Variants in PTPN3 observed in about 807,000 individuals in gnomAD.
The protein encoded by PTPN3 is protein tyrosine phosphatase non-receptor type 3.
A neutral mutation model predicts 132.7 loss-of-function variants in PTPN3; 96 were observed. The observed-to-expected ratio is 0.72, with a 90% CI of 0.61 to 0.86. PTPN3 has a LOEUF of 0.86. Ranked by LOEUF, PTPN3 falls within the 40% of genes least tolerant of loss-of-function variation. The pLI, the probability that PTPN3 is intolerant of heterozygous loss-of-function variation, is 0.00. For synonymous variants in PTPN3, 398 were observed against 429.0 expected (o/e 0.93, Z 0.89); for missense variants, 1,125 against 1,159.6 (o/e 0.97, Z 0.43).
chr9:109,524,308 A>G, the PTPN3 span, among the ~76,000 whole-genome samples: 1 of 41,224 alleles, frequency 2.4e-5, no homozygotes, highest in Non-Finnish European at 4.5e-5. Context: ...GAAGAGTGCC[A>G]GTTGTTTTGC....
chr9:109,375,936 T>A lies in PTPN3; in HGVS notation c.*3620A>T, dbSNP rs942842474. 1.3e-5 allele frequency: 2 copies of A among 152,280 alleles called. No individual in the cohort carries two copies. The highest frequency in any genetic ancestry group is 2.9e-5 in the Non-Finnish European group (2 of 68,036). 9.4% of individuals were successfully genotyped at this position (152,280 alleles called of 1,614,324 possible). On this transcript the variant is annotated 3_prime_UTR_variant, in exon 26 of 26. Coordinates refer to ENST00000374541, the MANE Select transcript of PTPN3 (RefSeq NM_002829.4). ...CAAGCATTTGGTCCCCGGTCTGAGG[T>A]CACAGAATCTTTGCCACCTTTACCG...
At chr9:109,509,123 C>T in the PTPN3 span, among the ~76,000 whole-genome samples, 9 of 152,224 alleles carry the variant, frequency 5.9e-5, no homozygotes, top group African/African-American at 1.9e-4. Context: ...AGCTCTGGGG[C>T]CTATGACCTC....
At chr9:109,532,944 GTTTTTTTT>G in the PTPN3 span, 109 of 312,108 alleles carry the variant, frequency 3.5e-4, no homozygotes, top group East Asian at 7.7e-4. Flanking sequence ...TCTTTTCTGG[GTTTTTTTT>G]TTTTTTTTTT....
rs1447717629 is a variant in PTPN3 at position 109,415,064 on chromosome 9, GTCCGTCCATCCAACCA to G, written c.1314-4665_1314-4650del. Among the ~76,000 whole-genome samples the G allele has an allele frequency of 5.8e-3, 728 of 126,298 alleles. 1 individual carries two copies. The highest frequency in any genetic ancestry group is 0.029 in the East Asian group (105 of 3,680). The allele number at this position is 126,298 out of a possible 152,430, so 82.9% of individuals were successfully genotyped here. Reference sequence around the variant, plus strand: ...CGTCCGTCCGTCCATCCGTCCATCCGTCCGTCCATCCAACCATCCATCCATCCATCCATCCATCCAT... The same window carrying G: ...CGTCCGTCCGTCCATCCGTCCATCCGTCCATCCATCCATCCATCCATCCAT... On this transcript the variant is annotated intron_variant, in intron 14 of 25. Coordinates refer to ENST00000374541, the MANE Select transcript of PTPN3 (RefSeq NM_002829.4).
chr9:109,446,128 C>T (rs1305448123), intron 6 of PTPN3, among the ~76,000 whole-genome samples: 1 of 152,168 alleles, frequency 6.6e-6, no homozygotes, highest in Non-Finnish European at 1.5e-5. Context: ...CACTGCTGGG[C>T]AGAACAGGTT....
chr9:109,385,868 T>C (rs914336989), intron 22 of PTPN3, among the ~76,000 whole-genome samples: 1 of 152,160 alleles, frequency 6.6e-6, no homozygotes, highest in Non-Finnish European at 1.5e-5. Flanking sequence ...TGTTTCTCAT[T>C]TCCAGTCCCC....
chr9:109,499,356 G>A (rs904606560), upstream of PTPN3, among the ~76,000 whole-genome samples: 1 of 152,084 alleles, frequency 6.6e-6, no homozygotes, highest in African/African-American at 2.4e-5. Context: ...CAGATAAGCA[G>A]GGAAGAGCAT....
chr9:109,381,788 C>T lies in PTPN3; in HGVS notation c.2529-1G>A, dbSNP rs1409338211. The T allele has an allele frequency of 6.2e-7, 1 of 1,614,108 alleles. No individual in the cohort carries two copies. On this transcript the variant is annotated splice_acceptor_variant, in intron 24 of 25. Transcript: ENST00000374541. LOFTEE classifies it high-confidence loss of function. ...CACACCGGTTCGACCTATTCCAGCA[C>T]TGGAGAGGGGAGAGAAGACAGACTT...
At chr9:109,426,139 G>A (rs575523985) in intron 12 of PTPN3, among the ~76,000 whole-genome samples, 7 of 150,582 alleles carry the variant, frequency 4.6e-5, no homozygotes, top group Admixed American at 4.6e-4. Context: ...CAAACTGCAT[G>A]GTTATTTCAT....
chr9:109,497,396 A>G (rs1847716277), intron 1 of PTPN3, among the ~76,000 whole-genome samples: 1 of 152,144 alleles, frequency 6.6e-6, no homozygotes, highest in South Asian at 2.1e-4. Context: ...CAAGGGAGGA[A>G]ACTGAGGACC....
intron 1 of PTPN3, among the ~76,000 whole-genome samples, chr9:109,493,141 G>A (rs1487128465): frequency 6.6e-6 from 1 of 152,202 alleles, no homozygotes; most frequent in Non-Finnish European, 1.5e-5. Flanking sequence ...AGTGGTTCAC[G>A]CCTGTGATTC....
intron 1 of PTPN3, among the ~76,000 whole-genome samples, chr9:109,466,407 G>A (rs1226783785): frequency 2.0e-5 from 3 of 152,216 alleles, no homozygotes; most frequent in East Asian, 3.9e-4. Flanking sequence ...GGAGGCCAAG[G>A]TGGGAGGACT....
chr9:109,376,166 C>T lies in PTPN3; in HGVS notation c.*3390G>A, dbSNP rs1241538876. The T allele has an allele frequency of 6.6e-6, 1 of 152,154 alleles. No homozygotes were observed. Among genetic ancestry groups the T allele is most frequent in the African/African-American group, 2.4e-5 (1 of 41,424 alleles). 9.4% of individuals were successfully genotyped at this position (152,154 alleles called of 1,614,324 possible). ...AGCCTCCCAGAATGGCAAATCTTGA[C>T]CTCATCTAGTCCAGCCCAACCTTCC... On this transcript the variant is annotated 3_prime_UTR_variant, in exon 26 of 26. Transcript: ENST00000374541.
At position 109,379,584 on chromosome 9, in the gene PTPN3, C is replaced by T. The variant is rs1256648740; in HGVS notation, c.2714G>A (p.Gly905Asp). Reference sequence around the variant, plus strand: ...ACTAGGATCCAGCATTTGGACTAAACCTTCTTCATACACACGAAGAATCGC... The same window carrying T: ...ACTAGGATCCAGCATTTGGACTAAATCTTCTTCATACACACGAAGAATCGC... The part of the protein sequence containing the change: ...CEAILRVYEE[G>D]LVQMLDPS The change falls in exon 26 of 26, where the codon GGT (glycine) becomes GAT (aspartate). Residue 905 changes from glycine to aspartate, a missense_variant. Coordinates refer to ENST00000374541, the MANE Select transcript of PTPN3 (RefSeq NM_002829.4). 5.0e-6 allele frequency: 8 copies of T among 1,614,014 alleles called. No homozygotes were observed. The highest frequency in any genetic ancestry group is 6.8e-6 in the Non-Finnish European group (8 of 1,179,984).
In PTPN3 at chr9:109,454,485, A is replaced by T; in HGVS notation, c.368+11T>A. ...TACACTAAACAGAAAACTTTAAAAA[A>T]ATGTTGTTACCTGGTTTGTTCTTGC... is the stretch of plus-strand genomic sequence containing the variant. On this transcript the variant is annotated intron_variant, in intron 5 of 25. Coordinates refer to ENST00000374541, the MANE Select transcript of PTPN3 (RefSeq NM_002829.4). The T allele has an allele frequency of 6.2e-7, 1 of 1,607,236 alleles. No individual in the cohort carries two copies. Among genetic ancestry groups the T allele is most frequent in the Non-Finnish European group, 8.5e-7 (1 of 1,175,904 alleles).
Position 109,457,383 on chromosome 9 carries a change from T to C in PTPN3, c.155A>G (p.Gln52Arg), listed in dbSNP as rs767960364. ...GTTGTGCACCATATCCAGAAGAACCTGGCCAGTGTCTTGTTTCTAGAACAA... is the reference window on the plus strand; with the variant it reads ...GTTGTGCACCATATCCAGAAGAACCCGGCCAGTGTCTTGTTTCTAGAACAA... ...TFKVTKQDTG[Q>R]VLLDMVHNHL... The change falls in exon 3 of 26, where the codon CAG becomes CGG. Residue 52 changes from glutamine to arginine, a missense_variant. Gln to Arg is a conservative substitution (Grantham distance 43, BLOSUM62 1). Coordinates refer to ENST00000374541, the MANE Select transcript of PTPN3 (RefSeq NM_002829.4). The C allele has an allele frequency of 1.2e-4, 194 of 1,612,690 alleles. No homozygotes were observed. The highest frequency in any genetic ancestry group is 1.6e-4 in the Non-Finnish European group (186 of 1,179,710).
intron 1 of PTPN3, among the ~76,000 whole-genome samples, chr9:109,497,769 G>C (rs1847737427): frequency 6.6e-6 from 1 of 152,032 alleles, no homozygotes; most frequent in Non-Finnish European, 1.5e-5. Context: ...AGGCGGATTC[G>C]CCCTGGGAGC....
intron 7 of PTPN3, among the ~76,000 whole-genome samples, chr9:109,438,642 C>T (rs185567732): frequency 9.7e-4 from 148 of 152,330 alleles, no homozygotes; most frequent in African/African-American, 3.2e-3. Flanking sequence ...TGCAGGCTTT[C>T]TCTGCCATAC....
At position 109,408,797 on chromosome 9, in the gene PTPN3, ATATATAT is replaced by A. The variant is rs1217464311; in HGVS notation, c.1579-427_1579-421del. 1.4e-3 allele frequency among the ~76,000 whole-genome samples: 71 copies of A among 50,222 alleles called. 1 individual carries two copies. The highest frequency in any genetic ancestry group is 5.9e-3 in the African/African-American group (57 of 9,600). The allele number at this position is 50,222 out of a possible 152,430, so 32.9% of individuals were successfully genotyped here. On this transcript the variant is annotated intron_variant, in intron 16 of 25. Coordinates refer to ENST00000374541, the MANE Select transcript of PTPN3 (RefSeq NM_002829.4). Reference sequence around the variant, plus strand: ...TATAATAATTAAAAAAAAAAAAAAAATATATATATATATATATATATGGGCTTTATAT... The same window carrying A: ...TATAATAATTAAAAAAAAAAAAAAAAATATATATATATATGGGCTTTATAT...
Sources: allele counts gnomAD v4.1 joint callset (sites outside exome capture counted in the v4.1 genomes callset), GRCh38; gene constraint gnomAD v4.1.1; transcripts MANE v1.5; gene names NCBI Gene and HGNC (gene_info 2026-07-23, HGNC 2026-07-21).